The following SPA17 variants were observed in gnomAD, a reference collection of about 807,000 sequenced individuals.
SPA17 encodes the protein sperm autoantigenic protein 17.
A neutral mutation model predicts 13.8 loss-of-function variants in SPA17; 7 were observed. The observed-to-expected ratio is 0.51, with a 90% CI of 0.29 to 0.95. The LOEUF (loss-of-function observed/expected upper bound fraction) is 0.95. Among genes scored for constraint, SPA17 ranks in the 40% least tolerant of loss-of-function variants. The probability of loss-of-function intolerance (pLI) is 0.08; values close to 1 mark genes in which losing one functional copy is unlikely to be tolerated. For missense variants in SPA17, 170 were observed against 179.3 expected, an observed-to-expected ratio of 0.95 and a Z score of 0.30; for synonymous variants, 61 against 59.0, an observed-to-expected ratio of 1.03 and a Z score of -0.16.
intron 2 of SPA17, among the ~76,000 whole-genome samples, chr11:124,680,000 A>G (rs992175590): frequency 6.6e-6 from 1 of 152,212 alleles, no homozygotes; most frequent in Admixed American, 6.5e-5. Flanking sequence ...TATTCTGAAA[A>G]CTGGTAAATA....
rs1018387471 is a variant in SPA17, at chr11:124,695,447, T to G, written c.*1001T>G. On this transcript the variant is annotated 3_prime_UTR_variant, in exon 5 of 5. Coordinates refer to ENST00000227135, the MANE Select transcript of SPA17 (RefSeq NM_017425.4). ...CAGAGGCTTTATCTCTTTTATGTTT[T>G]CAATGATTCATTCAAATCCCTAGTG... 6.6e-6 allele frequency: 1 copy of G among 152,228 alleles called. No homozygotes were observed. The highest frequency in any genetic ancestry group is 1.9e-4 in the East Asian group (1 of 5,200). The allele number at this position is 152,228 out of a possible 1,614,324, so 9.4% of individuals were successfully genotyped here.
At chr11:124,687,540 C>A (rs1943588248) in intron 3 of SPA17, among the ~76,000 whole-genome samples, 1 of 152,070 alleles carries the variant, frequency 6.6e-6, no homozygotes. Flanking sequence ...AACATAGATT[C>A]AAAAATCTTC....
Position 124,678,573 on chromosome 11 carries a change from T to A in SPA17, c.155-2816T>A, listed in dbSNP as rs1943497000. Among the ~76,000 whole-genome samples the A allele has an allele frequency of 1.3e-5, 2 of 151,868 alleles. 1 individual carries two copies. The highest frequency in any genetic ancestry group is 4.1e-4 in the South Asian group (2 of 4,820). On this transcript the variant is annotated intron_variant, in intron 2 of 4. Coordinates refer to ENST00000227135, the MANE Select transcript of SPA17 (RefSeq NM_017425.4). ...GTTTGTGTGTGTATTTGCCACAGGG[T>A]TTGGCTCTGGCTCTGTCGCCCAGGC...
intron 3 of SPA17, among the ~76,000 whole-genome samples, chr11:124,683,034 A>G (rs769365119): frequency 5.1e-4 from 77 of 152,352 alleles, no homozygotes; most frequent in Admixed American, 1.1e-3. Context: ...TAATAACCGT[A>G]CTTCTCAGCA....
In SPA17 at chr11:124,678,224, T is replaced by G. The variant is rs114677761; in HGVS notation, c.154+2806T>G. ...CAACTGAATTATATATATAGCTGTTTTCAAAAATGAGAACTATCTCTCGAT... is the reference window on the plus strand; with the variant it reads ...CAACTGAATTATATATATAGCTGTTGTCAAAAATGAGAACTATCTCTCGAT... On this transcript the variant is annotated intron_variant, in intron 2 of 4. Transcript: ENST00000227135. Among the ~76,000 whole-genome samples the G allele has an allele frequency of 5.3e-3, 804 of 152,090 alleles. 5 individuals are homozygous for G. Among genetic ancestry groups the G allele is most frequent in the African/African-American group, 0.018 (757 of 41,510 alleles).
At chr11:124,680,189 A>C (rs1042851713) in intron 2 of SPA17, among the ~76,000 whole-genome samples, 14 of 152,196 alleles carry the variant, frequency 9.2e-5, no homozygotes, top group African/African-American at 2.7e-4. Context: ...CTAAGCAAGG[A>C]TCATCAGGGG....
chr11:124,678,809 C>T (rs1565423356), intron 2 of SPA17, among the ~76,000 whole-genome samples: 1 of 151,978 alleles, frequency 6.6e-6, no homozygotes, highest in Non-Finnish European at 1.5e-5. Context: ...CTCAAGCATC[C>T]GCCAGCCTCC....
At chr11:124,679,148 A>C (rs544773066) in intron 2 of SPA17, among the ~76,000 whole-genome samples, 1 of 152,160 alleles carries the variant, frequency 6.6e-6, no homozygotes, top group Non-Finnish European at 1.5e-5. Context: ...AAAAAAAAAA[A>C]AAGCAATTTC....
At chr11:124,691,833 C>A in intron 4 of SPA17, 51 bp downstream of exon 4, 3 of 1,253,898 alleles carry the variant, frequency 2.4e-6, no homozygotes, top group Non-Finnish European at 2.2e-6. Flanking sequence ...AATGATATTG[C>A]CCAATTTAAA....
At chr11:124,690,368 A>C (rs1943614070) in intron 3 of SPA17, among the ~76,000 whole-genome samples, 1 of 152,242 alleles carries the variant, frequency 6.6e-6, no homozygotes. Flanking sequence ...AGGCACAGAA[A>C]GACATGTAGT....
At chr11:124,689,134 CT>C (rs1232600150) in intron 3 of SPA17, among the ~76,000 whole-genome samples, 1 of 152,110 alleles carries the variant, frequency 6.6e-6, no homozygotes, top group African/African-American at 2.4e-5. Flanking sequence ...AATTGGACCC[CT>C]ATCTCCCATC....
chr11:124,682,297 TAGAA>T, intron 3 of SPA17, among the ~76,000 whole-genome samples: 1 of 152,238 alleles, frequency 6.6e-6, no homozygotes, highest in Admixed American at 6.5e-5. Flanking sequence ...GGAAACTTGA[TAGAA>T]ATTCAGAGTC....
intron 3 of SPA17, among the ~76,000 whole-genome samples, chr11:124,690,429 T>C (rs1158210352): frequency 2.0e-5 from 3 of 152,258 alleles, no homozygotes; most frequent in South Asian, 4.1e-4. Context: ...TAAATGGACA[T>C]AGACGTGGAA....
intron 4 of SPA17, among the ~76,000 whole-genome samples, chr11:124,692,407 C>T (rs1943630534): frequency 6.6e-6 from 1 of 151,940 alleles, no homozygotes; most frequent in Admixed American, 6.6e-5. Flanking sequence ...GGTGAAACCC[C>T]ATCTCTACTA....
intron 2 of SPA17, 163 bp downstream of exon 2, chr11:124,675,581 T>C (rs1355717016): frequency 7.7e-6 from 5 of 652,614 alleles, no homozygotes; most frequent in African/African-American, 7.4e-5. Flanking sequence ...CTCTTTGATA[T>C]GTTCTCTTAA....
chr11:124,682,840 A>G (rs2134412054), intron 3 of SPA17, among the ~76,000 whole-genome samples: 1 of 152,192 alleles, frequency 6.6e-6, no homozygotes, highest in Admixed American at 6.5e-5. Flanking sequence ...AGACATCACA[A>G]GTCTAGCAAG....
rs75379389 is a variant in SPA17 at position 124,681,690 on chromosome 11, G to T, written c.225+231G>T. On this transcript the variant is annotated intron_variant, in intron 3 of 4. Coordinates refer to ENST00000227135, the MANE Select transcript of SPA17 (RefSeq NM_017425.4). ...TATTAAAACTTATTAAATTAAAATT[G>T]TGCTGGGATTTTTTGCTGAGAATAT... Among the ~76,000 whole-genome samples the T allele has an allele frequency of 5.3e-3, 809 of 151,990 alleles. 2 individuals are homozygous for T. Among genetic ancestry groups the T allele is most frequent in the African/African-American group, 0.018 (736 of 41,520 alleles).
Position 124,692,290 on chromosome 11 carries a change from C to T in SPA17, c.312+508C>T, listed in dbSNP as rs564124758. ...ATGTACTACATCCAAGCAGTCAAGA[C>T]ATAGCGGAGGCCGGGCGTGGTGGCT... On this transcript the variant is annotated intron_variant, in intron 4 of 4. Transcript: ENST00000227135. Among the ~76,000 whole-genome samples, 36 of 152,208 alleles carry T rather than the reference C, an allele frequency of 2.4e-4. No individual in the cohort carries two copies. The South Asian group carries it at 2.7e-3, about 11-fold the overall frequency.
At chr11:124,686,169 T>C (rs1358216611) in intron 3 of SPA17, among the ~76,000 whole-genome samples, 1 of 86,946 alleles carries the variant, frequency 1.2e-5, no homozygotes, top group African/African-American at 4.7e-5. Context: ...AGGGATCTCG[T>C]GGAGGTAATG....
Sources: gnomAD v4.1 joint callset for allele counts (sites outside exome capture counted in the v4.1 genomes callset) on GRCh38, gnomAD v4.1.1 for gene constraint, MANE v1.5 for transcripts, NCBI Gene and HGNC (gene_info 2026-07-23, HGNC 2026-07-21) for gene names.